WDR70: variants seen among roughly 807,000 people sequenced by gnomAD.
WDR70 encodes the protein WD repeat domain 70.
In WDR70, 53 loss-of-function variants were observed where a neutral mutation model predicts 88.6. The ratio of observed to expected loss-of-function variants is 0.60; its 90% CI spans 0.48 to 0.75. The LOEUF is 0.75. WDR70 is among the 30% of genes least tolerant of loss of function. The pLI, the probability that WDR70 is intolerant of heterozygous loss-of-function variation, is 0.00. For missense variants in WDR70, 610 were observed against 823.2 expected (o/e 0.74, Z 3.17); for synonymous variants, 280 against 270.0 (o/e 1.04, Z -0.36).
chr5:37,408,080 G>T (rs548030791), intron 5 of WDR70, among the ~76,000 whole-genome samples: 14 of 152,056 alleles, frequency 9.2e-5, no homozygotes, highest in African/African-American at 3.1e-4. Flanking sequence ...CTCAGATCTC[G>T]TCTGCGTCTG....
At chr5:37,630,472 C>T (rs1237760467) in intron 10 of WDR70, among the ~76,000 whole-genome samples, 1 of 152,116 alleles carries the variant, frequency 6.6e-6, no homozygotes, top group African/African-American at 2.4e-5. Context: ...AGTGTGGGCA[C>T]TTAGCCACTC....
At chr5:37,552,466 A>G (rs1742174029) in intron 9 of WDR70, among the ~76,000 whole-genome samples, 2 of 152,232 alleles carry the variant, frequency 1.3e-5, no homozygotes, top group South Asian at 4.1e-4. Flanking sequence ...TTTTTAAACT[A>G]CAAAGAAGCA....
chr5:37,594,034 G>T (rs1386034748), intron 9 of WDR70, among the ~76,000 whole-genome samples: 3 of 152,240 alleles, frequency 2.0e-5, no homozygotes, highest in East Asian at 3.9e-4. Context: ...GTTATTTGTA[G>T]ATTCTGGATA....
intron 10 of WDR70, among the ~76,000 whole-genome samples, chr5:37,639,990 G>A (rs1343867819): frequency 2.0e-5 from 3 of 152,024 alleles, no homozygotes; most frequent in African/African-American, 7.2e-5. Context: ...GGCTTAAAGA[G>A]GTTAAGTAAC....
At chr5:37,506,718 C>G (rs567947289) in intron 8 of WDR70, 2 of 858,198 alleles carry the variant, frequency 2.3e-6, no homozygotes, top group East Asian at 4.8e-5. Flanking sequence ...AGTCAGTCCA[C>G]CTTTCTCATT....
intron 10 of WDR70, among the ~76,000 whole-genome samples, chr5:37,616,069 G>A (rs1007753479): frequency 1.1e-4 from 17 of 152,122 alleles, no homozygotes; most frequent in East Asian, 3.9e-4. Flanking sequence ...CCAGTCTTTC[G>A]GTTTATACTT....
chr5:37,680,101 A>G (rs1482745763), intron 10 of WDR70, among the ~76,000 whole-genome samples: 1 of 151,322 alleles, frequency 6.6e-6, no homozygotes, highest in African/African-American at 2.4e-5. Context: ...GACTGATGAC[A>G]CATGGTATCT....
chr5:37,494,704 G>A (rs991211264), intron 8 of WDR70, among the ~76,000 whole-genome samples: 11 of 152,238 alleles, frequency 7.2e-5, no homozygotes, highest in Admixed American at 2.6e-4. Flanking sequence ...AGCATATTAT[G>A]ACCATTCATG....
At chr5:37,396,115 G>T (rs980638714) in intron 4 of WDR70, among the ~76,000 whole-genome samples, 4 of 152,156 alleles carry the variant, frequency 2.6e-5, no homozygotes, top group Non-Finnish European at 4.4e-5. Flanking sequence ...GTCTCTTTAT[G>T]AGTGCTAATG....
chr5:37,500,408 C>T (rs1740371486), intron 8 of WDR70, among the ~76,000 whole-genome samples: 1 of 152,098 alleles, frequency 6.6e-6, no homozygotes, highest in Admixed American at 6.6e-5. Flanking sequence ...TAAGTGTGCA[C>T]GTGTTTTTTT....
At chr5:37,654,661 C>G (rs1440966476) in intron 10 of WDR70, among the ~76,000 whole-genome samples, 2 of 152,180 alleles carry the variant, frequency 1.3e-5, no homozygotes, top group East Asian at 1.9e-4. Flanking sequence ...GGATAGTTAG[C>G]TCTTCTTGTT....
intron 5 of WDR70, among the ~76,000 whole-genome samples, chr5:37,405,176 A>G (rs1017977549): frequency 1.3e-5 from 2 of 152,184 alleles, no homozygotes; most frequent in Non-Finnish European, 2.9e-5. Context: ...GTAGAATGTT[A>G]TGAAGTCACT....
chr5:37,526,280 C>A (rs915179794), intron 9 of WDR70, among the ~76,000 whole-genome samples: 1 of 152,180 alleles, frequency 6.6e-6, no homozygotes, highest in Non-Finnish European at 1.5e-5. Context: ...AAAAGCTTAT[C>A]CACCATGATC....
intron 6 of WDR70, among the ~76,000 whole-genome samples, 168 bp from the exon 7 acceptor site, chr5:37,443,071 T>C (rs1395333442): frequency 6.6e-6 from 1 of 152,230 alleles, no homozygotes; most frequent in Admixed American, 6.5e-5. Context: ...AGTCTAATAA[T>C]ATGGAAGGCA....
chr5:37,491,708 G>C (rs1015475846), intron 8 of WDR70, among the ~76,000 whole-genome samples: 1 of 152,140 alleles, frequency 6.6e-6, no homozygotes, highest in Non-Finnish European at 1.5e-5. Flanking sequence ...TATTAGTCAT[G>C]TCTTTTTACT....
At chr5:37,412,049 T>TA (rs548545627) in intron 5 of WDR70, among the ~76,000 whole-genome samples, 29 of 149,888 alleles carry the variant, frequency 1.9e-4, no homozygotes, top group Middle Eastern at 3.2e-3. Context: ...TAGAACTAAG[T>TA]AAAAAAAAAA....
intron 8 of WDR70, among the ~76,000 whole-genome samples, chr5:37,500,835 C>T (rs1740387330): frequency 1.4e-5 from 2 of 142,934 alleles, no homozygotes; most frequent in South Asian, 2.3e-4. Context: ...AAGCTATTCT[C>T]CTGCCTCAGC....
intron 5 of WDR70, among the ~76,000 whole-genome samples, chr5:37,418,698 G>A (rs1749839568): frequency 6.6e-6 from 1 of 151,952 alleles, no homozygotes; most frequent in Non-Finnish European, 1.5e-5. Flanking sequence ...GGCATATCTA[G>A]TACTTTCTAA....
intron 9 of WDR70, among the ~76,000 whole-genome samples, chr5:37,598,253 A>G (rs558630971): frequency 2.4e-4 from 36 of 152,224 alleles, no homozygotes; most frequent in Non-Finnish European, 4.1e-4. Flanking sequence ...AAATAACTGA[A>G]CATCACAAAT....
Sources: allele counts gnomAD v4.1 joint callset (sites outside exome capture counted in the v4.1 genomes callset), GRCh38; gene constraint gnomAD v4.1.1; transcripts MANE v1.5; gene names NCBI Gene and HGNC (gene_info 2026-07-23, HGNC 2026-07-21).